Variants in PDE9A observed in about 807,000 individuals in gnomAD.
PDE9A encodes high affinity cGMP-specific 3',5'-cyclic phosphodiesterase 9A.
PDE9A carries 60 observed loss-of-function variants against 87.4 expected under a neutral mutation model. The ratio of observed to expected loss-of-function variants is 0.69; its 90% CI spans 0.56 to 0.85. PDE9A has a LOEUF of 0.85. Among genes scored for constraint, PDE9A ranks in the 40% least tolerant of loss-of-function variants. The pLI is 0.00. For missense variants in PDE9A, 665 were observed against 779.0 expected (o/e 0.85, Z 1.74); for synonymous variants, 272 against 279.4 (o/e 0.97, Z 0.27).
chr21:42,670,362 A>G (rs1265986981), intron 1 of PDE9A, among the ~76,000 whole-genome samples: 1 of 127,088 alleles, frequency 7.9e-6, no homozygotes, highest in Non-Finnish European at 1.6e-5. Flanking sequence ...ACACATCCAC[A>G]CACACATTCA....
chr21:42,716,078 C>T (rs1184154997), intron 4 of PDE9A, among the ~76,000 whole-genome samples: 3 of 151,864 alleles, frequency 2.0e-5, no homozygotes, highest in Admixed American at 1.3e-4. Context: ...GGCATCTTAG[C>T]ATTGAAGCAT....
At chr21:42,670,316 A>G in intron 1 of PDE9A, among the ~76,000 whole-genome samples, 2 of 116,092 alleles carry the variant, frequency 1.7e-5, no homozygotes, top group East Asian at 2.4e-4. Context: ...CTTAGACACC[A>G]CACTCACATT....
At position 42,696,866 on chromosome 21, in the gene PDE9A, T is replaced by A. The variant is rs2060168068; in HGVS notation, c.219-2102T>A. On this transcript the variant is annotated intron_variant, in intron 3 of 19. Transcript: ENST00000291539. This position sits in a 1 kb window ranked among gnomAD's most constrained non-coding sequence, Gnocchi z 5.1. ...GGGGCTAGAGGGGCCCTAGTCCCGA[T>A]GACGACCGAGTGCCCTCTCCACCTG... Among the ~76,000 whole-genome samples, 1 of 152,146 alleles carries A rather than the reference T, an allele frequency of 6.6e-6. No homozygotes were observed. Among genetic ancestry groups the A allele is most frequent in the Non-Finnish European group, 1.5e-5 (1 of 68,036 alleles).
chr21:42,712,792 G>T (rs1346437780), intron 4 of PDE9A, among the ~76,000 whole-genome samples: 1 of 152,104 alleles, frequency 6.6e-6, no homozygotes, highest in African/African-American at 2.4e-5. Context: ...GGGTTGAGGA[G>T]GTGTCCTCTT....
chr21:42,726,618 A>ATTTTTTTTTTT lies in PDE9A; in HGVS notation c.263-5151_263-5150insTTTTTTTTTTT, dbSNP rs1486108848. Among the ~76,000 whole-genome samples the ATTTTTTTTTTT allele has an allele frequency of 6.5e-4, 15 of 23,044 alleles. 1 individual carries two copies. The highest frequency in any genetic ancestry group is 3.6e-3 in the African/African-American group (11 of 3,038). 15.1% of individuals were successfully genotyped at this position (23,044 alleles called of 152,430 possible). ...CATATATATATATATATATATATAT[A>ATTTTTTTTTTT]TATATATTTTTTTTTTTTTTTTTGT... On this transcript the variant is annotated intron_variant, in intron 4 of 19. Transcript: ENST00000291539.
At chr21:42,657,473 A>G (rs975023542) in intron 1 of PDE9A, among the ~76,000 whole-genome samples, 14 of 152,134 alleles carry the variant, frequency 9.2e-5, no homozygotes, top group Non-Finnish European at 2.1e-4. Context: ...CTTTCCCCAG[A>G]GGATTCGTTT....
At chr21:42,670,094 TAC>T (rs1196309964) in intron 1 of PDE9A, among the ~76,000 whole-genome samples, 6 of 151,666 alleles carry the variant, frequency 4.0e-5, no homozygotes, top group South Asian at 4.2e-4. Flanking sequence ...CACATTCTCA[TAC>T]ACTCACACAT....
chr21:42,685,572 T>C (rs2059416013), intron 1 of PDE9A, among the ~76,000 whole-genome samples: 1 of 149,884 alleles, frequency 6.7e-6, no homozygotes, highest in Non-Finnish European at 1.5e-5. Flanking sequence ...GCTCAAGCGA[T>C]TCTCCCGGCT....
chr21:42,676,236 T>C (rs183173436), intron 1 of PDE9A, among the ~76,000 whole-genome samples: 130 of 152,330 alleles, frequency 8.5e-4, no homozygotes, highest in Non-Finnish European at 1.4e-3. Flanking sequence ...GATATTTCTT[T>C]ATAGCAATGC....
chr21:42,742,618 C>T (rs752794386), intron 7 of PDE9A, among the ~76,000 whole-genome samples: 5 of 151,896 alleles, frequency 3.3e-5, no homozygotes, highest in African/African-American at 7.3e-5. Flanking sequence ...GGCACTGGCA[C>T]ACCATGCCCG....
chr21:42,670,286 TAC>T (rs1199418634), intron 1 of PDE9A, among the ~76,000 whole-genome samples: 48 of 145,168 alleles, frequency 3.3e-4, no homozygotes, highest in Non-Finnish European at 4.8e-4. Context: ...CATTCACACA[TAC>T]ACATTCACAC....
At chr21:42,701,896 T>C (rs1027950533) in intron 4 of PDE9A, among the ~76,000 whole-genome samples, 1 of 152,252 alleles carries the variant, frequency 6.6e-6, no homozygotes, top group African/African-American at 2.4e-5. Flanking sequence ...AATGTGTCTT[T>C]TTCCCTCTGG....
chr21:42,674,553 G>T (rs908111131), intron 1 of PDE9A, among the ~76,000 whole-genome samples: 7 of 152,072 alleles, frequency 4.6e-5, no homozygotes, highest in Non-Finnish European at 8.8e-5. Context: ...CTACGCGCCT[G>T]TAGCCAGTGC....
rs548914141 is a variant in PDE9A at position 42,722,011 on chromosome 21, C to CT, written c.263-9758dup. Among the ~76,000 whole-genome samples, 74 of 150,076 alleles carry CT rather than the reference C, an allele frequency of 4.9e-4. No individual in the cohort carries two copies. Among genetic ancestry groups the CT allele is most frequent in the Non-Finnish European group, 7.7e-4 (52 of 67,750 alleles). On this transcript the variant is annotated intron_variant, in intron 4 of 19. Transcript: ENST00000291539. The surrounding 1 kb of genome is among the most constrained non-coding windows in gnomAD (Gnocchi z 4.1). ...TTTTTTTTTGAGATGGAATCTTGCT[C>CT]TGTCACCAGGCTGGAGTGCAGTGGC...
chr21:42,704,415 AC>A lies in PDE9A; in HGVS notation c.262+5412del, dbSNP rs368852400. On this transcript the variant is annotated intron_variant, in intron 4 of 19. Transcript: ENST00000291539. The surrounding 1 kb of genome is among the most constrained non-coding windows in gnomAD (Gnocchi z 5.3). ...AGGAGACAAAGTCGGTGTCAGGTAG[AC>A]CCCCCCCACCCCACCAAACACACAC... 3.9e-5 allele frequency among the ~76,000 whole-genome samples: 5 copies of A among 129,212 alleles called. No individual in the cohort carries two copies. Among genetic ancestry groups the A allele is most frequent in the Admixed American group, 7.8e-5 (1 of 12,842 alleles). 84.8% of individuals were successfully genotyped at this position (129,212 alleles called of 152,430 possible). A position where few individuals can be genotyped will look rare whatever the true frequency, so the allele number is the denominator to read the frequency against.
intron 8 of PDE9A, among the ~76,000 whole-genome samples, chr21:42,749,502 T>G (rs2054205386): frequency 6.6e-6 from 1 of 152,224 alleles, no homozygotes; most frequent in Admixed American, 6.5e-5. Context: ...GGGACCACCC[T>G]GAAGCCAGCA....
At position 42,758,993 on chromosome 21, in the gene PDE9A, C is replaced by T; in HGVS notation, c.811-6C>T. 6.2e-7 allele frequency: 1 copy of T among 1,611,710 alleles called. No individual in the cohort carries two copies. The highest frequency in any genetic ancestry group is 8.5e-7 in the Non-Finnish European group (1 of 1,177,830). On this transcript the variant is annotated splice_region_variant and splice_polypyrimidine_tract_variant and intron_variant, in intron 10 of 19. Transcript: ENST00000291539. ...CCCAGTGCCTATCCTTCTCCTGTGCCCACAGATGCTGAGCTGCCTGGAGCA... is the reference window on the plus strand; with the variant it reads ...CCCAGTGCCTATCCTTCTCCTGTGCTCACAGATGCTGAGCTGCCTGGAGCA...
In PDE9A at chr21:42,668,659, G is replaced by A. The variant is rs1307052076; in HGVS notation, c.69+14776G>A. ...GTGAGGAAAACAAAAGCGAAGCTACGCAGAAAAATGACAAGAGTGATGAGC... is the reference window on the plus strand; with the variant it reads ...GTGAGGAAAACAAAAGCGAAGCTACACAGAAAAATGACAAGAGTGATGAGC... On this transcript the variant is annotated intron_variant, in intron 1 of 19. Coordinates refer to ENST00000291539, the MANE Select transcript of PDE9A (RefSeq NM_002606.3). 3.3e-5 allele frequency among the ~76,000 whole-genome samples: 5 copies of A among 152,330 alleles called. No homozygotes were observed. In the South Asian group the frequency reaches 1.0e-3, roughly 32 times the overall value.
chr21:42,689,028 C>A (rs1429106278), intron 3 of PDE9A, among the ~76,000 whole-genome samples: 1 of 151,684 alleles, frequency 6.6e-6, no homozygotes. Context: ...TGGCCAGTGC[C>A]GTCCTCAGCG....
Sources: allele counts gnomAD v4.1 joint callset (sites outside exome capture counted in the v4.1 genomes callset), GRCh38; gene constraint gnomAD v4.1.1; non-coding constraint Gnocchi (gnomAD v3.1); transcripts MANE v1.5; gene names NCBI Gene and HGNC (gene_info 2026-07-23, HGNC 2026-07-21).